The following GRIA3 variants were observed in gnomAD, a reference collection of about 807,000 sequenced individuals.
The protein encoded by GRIA3 is glutamate ionotropic receptor AMPA type subunit 3.
In GRIA3, 3 loss-of-function variants were observed where a neutral mutation model predicts 63.0. The ratio of observed to expected loss-of-function variants is 0.05; its 90% CI spans 0.02 to 0.12. GRIA3 has a LOEUF of 0.12. GRIA3 is among the 10% of genes least tolerant of loss of function. GRIA3 has a pLI of 1.00. For missense variants in GRIA3, 347 were observed against 700.9 expected, an observed-to-expected ratio of 0.50 and a Z score of 5.70; for synonymous variants, 274 against 257.9, an observed-to-expected ratio of 1.06 and a Z score of -0.60.
intron 2 of GRIA3, among the ~76,000 whole-genome samples, chrX:123,206,583 C>T (rs1394128908): frequency 2.7e-5 from 3 of 110,770 alleles, no homozygotes; most frequent in East Asian, 2.8e-4. Flanking sequence ...TTTACTGGCA[C>T]GAGGTTCTCC....
chrX:123,403,351 T>C (rs1410884887), intron 8 of GRIA3, 61 bp from the exon 9 acceptor site: 6 of 771,860 alleles, frequency 7.8e-6, no homozygotes, highest in Non-Finnish European at 1.2e-5. Flanking sequence ...GCACTTCAAT[T>C]TCATGCAGTA....
chrX:123,407,541 A>G (rs2045480686), intron 10 of GRIA3, among the ~76,000 whole-genome samples: 2 of 110,206 alleles, frequency 1.8e-5, no homozygotes, highest in African/African-American at 6.6e-5. Context: ...CATGATGGAA[A>G]GGGTAAGGGG....
intron 5 of GRIA3, among the ~76,000 whole-genome samples, chrX:123,356,363 T>A (rs1040195228): frequency 3.2e-4 from 35 of 109,610 alleles, no homozygotes; most frequent in African/African-American, 1.1e-3. Context: ...CCTTTCCTTC[T>A]CCTCTTATTT....
At chrX:123,270,855 A>C (rs759733226) in intron 3 of GRIA3, among the ~76,000 whole-genome samples, 28 of 112,772 alleles carry the variant, frequency 2.5e-4, no homozygotes, top group African/African-American at 9.0e-4. Flanking sequence ...ATCAACATGA[A>C]ATCACATTTA....
At chrX:123,353,699 C>T (rs890073573) in intron 4 of GRIA3, among the ~76,000 whole-genome samples, 2 of 111,284 alleles carry the variant, frequency 1.8e-5, no homozygotes, top group Non-Finnish European at 3.8e-5. Context: ...GGCCTTGTTC[C>T]AAATTATGAC....
intron 10 of GRIA3, among the ~76,000 whole-genome samples, chrX:123,413,560 A>C (rs939632996): frequency 5.1e-5 from 5 of 98,181 alleles, no homozygotes; most frequent in Admixed American, 1.1e-4. Flanking sequence ...AAAAAAAAAA[A>C]AAAAAAAAAA....
At position 123,402,897 on chromosome X, in the gene GRIA3, T is replaced by C. The variant is rs2045450558; in HGVS notation, c.1081-97T>C. 5.8e-6 allele frequency: 3 copies of C among 514,104 alleles called. No homozygotes were observed. The South Asian group carries it at 7.0e-5, about 12-fold the overall frequency. 42.4% of individuals were successfully genotyped at this position (514,104 alleles called of 1,213,427 possible). A position where few individuals can be genotyped will look rare whatever the true frequency, so the allele number is the denominator to read the frequency against. On this transcript the variant is annotated intron_variant, in intron 7 of 15. Coordinates refer to ENST00000620443, the MANE Select transcript of GRIA3 (RefSeq NM_007325.5). ...CTCAATGACTTGCAATAATAATTCT[T>C]CAAGATTCCAAGATCTGTCAGCAGA...
chrX:123,260,407 AGACAGACAGACAGAC>A (rs1569409552), intron 3 of GRIA3, among the ~76,000 whole-genome samples: 174 of 8,255 alleles, frequency 0.021, 41 homozygotes, highest in East Asian at 0.06. Context: ...AAAGAAAGAC[AGACAGACAGACAGAC>A]AGACAGAAAG....
At chrX:123,463,672 GAAAGAAAGAA>G (rs1212258860) in intron 12 of GRIA3, among the ~76,000 whole-genome samples, 567 of 55,380 alleles carry the variant, frequency 0.01, 41 homozygotes, top group African/African-American at 0.026. Context: ...AAGAAAGAAA[GAAAGAAAGAA>G]AGAGAGAGAA....
chrX:123,262,132 G>A (rs1293408176), intron 3 of GRIA3, among the ~76,000 whole-genome samples: 3 of 111,969 alleles, frequency 2.7e-5, no homozygotes, highest in Non-Finnish European at 3.8e-5. Flanking sequence ...CTGTGACTTT[G>A]AGGTTTGTCC....
chrX:123,213,314 G>A (rs1290078314), intron 2 of GRIA3, among the ~76,000 whole-genome samples: 1 of 112,511 alleles, frequency 8.9e-6, no homozygotes, highest in Non-Finnish European at 1.9e-5. Context: ...GAGCATTAAT[G>A]TTTAGTGAGC....
intron 2 of GRIA3, among the ~76,000 whole-genome samples, chrX:123,188,013 G>A (rs143296715): frequency 4.3e-4 from 48 of 112,245 alleles, no homozygotes; most frequent in African/African-American, 1.2e-3. Flanking sequence ...CTGGGTTGTG[G>A]CTAGGGGCTT....
chrX:123,376,127 C>T (rs1358449611), intron 5 of GRIA3, among the ~76,000 whole-genome samples: 1 of 111,992 alleles, frequency 8.9e-6, no homozygotes, highest in Non-Finnish European at 1.9e-5. Context: ...ATCTTATGTC[C>T]TGGATATTGG....
intron 3 of GRIA3, among the ~76,000 whole-genome samples, chrX:123,311,741 G>T (rs1159661795): frequency 8.9e-6 from 1 of 112,091 alleles, no homozygotes; most frequent in African/African-American, 3.2e-5. Context: ...ACAATTGATT[G>T]CATGGCCTGT....
intron 11 of GRIA3, among the ~76,000 whole-genome samples, chrX:123,425,140 T>G (rs906471351): frequency 1.8e-5 from 2 of 111,649 alleles, no homozygotes; most frequent in African/African-American, 6.5e-5. Flanking sequence ...TATTTCTCAG[T>G]GTTTGGAGAA....
intron 5 of GRIA3, among the ~76,000 whole-genome samples, chrX:123,368,780 CAAAA>C (rs58125026): frequency 1.2e-5 from 1 of 86,066 alleles, no homozygotes. Flanking sequence ...GATCATAATA[CAAAA>C]AAAAAAAAAA....
At chrX:123,299,848 ATGACAT>A (rs2044709684) in intron 3 of GRIA3, among the ~76,000 whole-genome samples, 2 of 111,544 alleles carry the variant, frequency 1.8e-5, no homozygotes, top group South Asian at 7.5e-4. Flanking sequence ...CCCATTCAGT[ATGACAT>A]TGGCTGTGGG....
rs181160328 is a variant in GRIA3 at position 123,417,371 on chromosome X, T to C, written c.1501-31T>C. Reference sequence around the variant, plus strand: ...GATTAAAGACTGTCTCTAAAAGTCATATATGTTTTCTTTTTTTTCTTTTTT... The same window carrying C: ...GATTAAAGACTGTCTCTAAAAGTCACATATGTTTTCTTTTTTTTCTTTTTT... On this transcript the variant is annotated intron_variant, in intron 10 of 15. Coordinates refer to ENST00000620443, the MANE Select transcript of GRIA3 (RefSeq NM_007325.5). 104 of 1,148,322 alleles carry C rather than the reference T, an allele frequency of 9.1e-5. No homozygotes were observed. In the Middle Eastern group the frequency reaches 4.3e-3, roughly 48 times the overall value. 94.6% of individuals were successfully genotyped at this position (1,148,322 alleles called of 1,213,427 possible). A position where few individuals can be genotyped will look rare whatever the true frequency, so the allele number is the denominator to read the frequency against.
chrX:123,409,569 G>C (rs945003013), intron 10 of GRIA3, among the ~76,000 whole-genome samples: 4 of 111,532 alleles, frequency 3.6e-5, no homozygotes, highest in African/African-American at 9.8e-5. Flanking sequence ...TTTTGATTTT[G>C]AGCTGGATGT....
Sources: gnomAD v4.1 joint callset for allele counts (sites outside exome capture counted in the v4.1 genomes callset) on GRCh38, gnomAD v4.1.1 for gene constraint, MANE v1.5 for transcripts, NCBI Gene and HGNC (gene_info 2026-07-23, HGNC 2026-07-21) for gene names.